COL5A1: variants seen among roughly 807,000 people sequenced by gnomAD.
COL5A1 encodes the protein collagen type V alpha 1 chain, also known as collagen alpha-1(V) chain.
A neutral mutation model predicts 263.7 loss-of-function variants in COL5A1; 16 were observed. The ratio of observed to expected loss-of-function variants is 0.06; its 90% confidence interval spans 0.04 to 0.09. The LOEUF (loss-of-function observed/expected upper bound fraction) is 0.09, where lower values mean the gene tolerates loss of function less well. Ranked by LOEUF, COL5A1 falls within the 10% of genes least tolerant of loss-of-function variation. The pLI is 1.00. For missense variants in COL5A1, 2,036 were observed against 2,540.5 expected (o/e 0.80, Z 4.27); for synonymous variants, 1,012 against 1,004.5 (o/e 1.01, Z -0.14).
chr9:134,827,669 C>A (rs1397651616), intron 63 of COL5A1, among the ~76,000 whole-genome samples: 1 of 152,206 alleles, frequency 6.6e-6, no homozygotes, highest in Non-Finnish European at 1.5e-5. Flanking sequence ...ACCCCAGGCT[C>A]CCCCAGTGTT....
At chr9:134,704,419 T>C (rs1057420519) in intron 4 of COL5A1, among the ~76,000 whole-genome samples, 4 of 152,206 alleles carry the variant, frequency 2.6e-5, no homozygotes, top group Non-Finnish European at 4.4e-5. Context: ...CGTGTGGTTT[T>C]CAAAAGGAAA....
intron 21 of COL5A1, 25 bp from the exon 22 acceptor site, chr9:134,766,429 T>G: frequency 6.2e-7 from 1 of 1,613,566 alleles, no homozygotes; most frequent in Non-Finnish European, 8.5e-7. Flanking sequence ...CAGTTACATG[T>G]TTTTCTTCTT....
chr9:134,831,614 G>A (rs1839631695), intron 64 of COL5A1, among the ~76,000 whole-genome samples: 1 of 152,222 alleles, frequency 6.6e-6, no homozygotes, highest in African/African-American at 2.4e-5. Context: ...CGAGGTGGCA[G>A]GGTCCATTCT....
chr9:134,814,382 A>G (rs940777516), intron 49 of COL5A1, among the ~76,000 whole-genome samples: 1 of 152,140 alleles, frequency 6.6e-6, no homozygotes, highest in Non-Finnish European at 1.5e-5. Context: ...GGCCAGATGA[A>G]TGTTCACTAT....
In COL5A1 at chr9:134,741,754, G is replaced by A. The variant is rs972407927; in HGVS notation, c.1494+2946G>A. On this transcript the variant is annotated intron_variant, in intron 11 of 65. Transcript: ENST00000371817. This position sits in a 1 kb window ranked among gnomAD's most constrained non-coding sequence, Gnocchi z 4.5. ...GGGAGTGGCGTGCTCTGTCCCCTCC[G>A]TCTGCTTGGCCTCCTGTGCCTCTGT... 1.4e-4 allele frequency among the ~76,000 whole-genome samples: 21 copies of A among 152,116 alleles called. No homozygotes were observed. The highest frequency in any genetic ancestry group is 4.3e-4 in the African/African-American group (18 of 41,414).
At chr9:134,831,612 C>T (rs1839631586) in intron 64 of COL5A1, among the ~76,000 whole-genome samples, 1 of 152,292 alleles carries the variant, frequency 6.6e-6, no homozygotes, top group South Asian at 2.1e-4. Flanking sequence ...GCCGAGGTGG[C>T]AGGGTCCATT....
At chr9:134,676,029 CTT>C (rs1334317648) in intron 1 of COL5A1, among the ~76,000 whole-genome samples, 1 of 152,070 alleles carries the variant, frequency 6.6e-6, no homozygotes, top group Non-Finnish European at 1.5e-5. Flanking sequence ...AACTTCCACA[CTT>C]TAAAAATTTT....
At chr9:134,739,351 C>T (rs1289881407) in intron 11 of COL5A1, among the ~76,000 whole-genome samples, 1 of 152,218 alleles carries the variant, frequency 6.6e-6, no homozygotes, top group African/African-American at 2.4e-5. Context: ...TCCTGGTGTC[C>T]GGCGGGGCGG....
chr9:134,654,475 T>C lies in COL5A1; in HGVS notation c.109+12179T>C, dbSNP rs527851460. On this transcript the variant is annotated intron_variant, in intron 1 of 65. Coordinates refer to ENST00000371817, the MANE Select transcript of COL5A1 (RefSeq NM_000093.5). ...TGGTGTGTGTAGGGCTGGAGGTGTG[T>C]AGGGCTGGAGTTGTGTAGAGCTGGT... 1.8e-3 allele frequency among the ~76,000 whole-genome samples: 200 copies of C among 109,188 alleles called. 2 individuals carry two copies. Among genetic ancestry groups the C allele is most frequent in the African/African-American group, 7.0e-3 (187 of 26,806 alleles). 71.6% of individuals were successfully genotyped at this position (109,188 alleles called of 152,430 possible). A position where few individuals can be genotyped will look rare whatever the true frequency, so the allele number is the denominator to read the frequency against.
At chr9:134,654,832 GGTGTGTGGGGCTCGT>G (rs1241367720) in intron 1 of COL5A1, among the ~76,000 whole-genome samples, 1 of 138,390 alleles carries the variant, frequency 7.2e-6, no homozygotes, top group African/African-American at 2.8e-5. Context: ...TAGTGCTGGT[GGTGTGTGGGGCTCGT>G]GTGTGTAGGG....
At chr9:134,798,766 C>A (rs1414224334) in intron 37 of COL5A1, among the ~76,000 whole-genome samples, 1 of 152,252 alleles carries the variant, frequency 6.6e-6, no homozygotes, top group African/African-American at 2.4e-5. Flanking sequence ...AAGACACACA[C>A]AGATTATCCT....
intron 14 of COL5A1, 115 bp downstream of exon 14, chr9:134,752,760 T>C (rs1588504766): frequency 1.2e-6 from 1 of 802,856 alleles, no homozygotes; most frequent in East Asian, 2.6e-5. Context: ...GAGCGGCCCT[T>C]GGTCCAGTGC....
intron 13 of COL5A1, 94 bp from the exon 14 acceptor site, chr9:134,752,495 C>A (rs1036045364): frequency 1.1e-6 from 1 of 936,766 alleles, no homozygotes; most frequent in African/African-American, 1.6e-5. Context: ...CCAGTCTGCC[C>A]GTTCCCTCCT....
At position 134,794,337 on chromosome 9, in the gene COL5A1, A is replaced by G. The variant is rs981516408; in HGVS notation, c.2701-745A>G. 2.0e-5 allele frequency among the ~76,000 whole-genome samples: 3 copies of G among 148,046 alleles called. No individual in the cohort carries two copies. Among genetic ancestry groups the G allele is most frequent in the South Asian group, 2.2e-4 (1 of 4,642 alleles). On this transcript the variant is annotated intron_variant, in intron 32 of 65. Coordinates refer to ENST00000371817, the MANE Select transcript of COL5A1 (RefSeq NM_000093.5). The surrounding 1 kb of genome is among the most constrained non-coding windows in gnomAD (Gnocchi z 4.3). ...AGACTCTGTCTAAAAAAAAAAAAAA[A>G]GAAACAAAAAAGAAACCAGTCAAGT...
At chr9:134,833,603 CA>C (rs1271641232) in intron 64 of COL5A1, among the ~76,000 whole-genome samples, 3 of 152,198 alleles carry the variant, frequency 2.0e-5, no homozygotes, top group African/African-American at 7.2e-5. Context: ...TGCCAGACAT[CA>C]TCCGGGACCC....
chr9:134,842,088 G>T lies in COL5A1; in HGVS notation c.5371-69G>T. On this transcript the variant is annotated intron_variant, in intron 65 of 65. Transcript: ENST00000371817. The surrounding 1 kb of genome is among the most constrained non-coding windows in gnomAD (Gnocchi z 5.8). ...GTTTTGGAGCCAGACAGATTGTGGG[G>T]GGTGATTGGTAAACCCCAAGACCCC... is the stretch of plus-strand genomic sequence containing the variant. 1 of 1,577,750 alleles carries T rather than the reference G, an allele frequency of 6.3e-7. No individual in the cohort carries two copies. Among genetic ancestry groups the T allele is most frequent in the Non-Finnish European group, 8.7e-7 (1 of 1,148,010 alleles).
intron 1 of COL5A1, chr9:134,653,215 T>C (rs1831756492): frequency 1.3e-5 from 2 of 153,882 alleles, no homozygotes; most frequent in Admixed American, 6.5e-5. Context: ...AAGACCCCAC[T>C]ATCCGGCAGG....
chr9:134,824,998 G>T (rs1012372495), intron 62 of COL5A1, 143 bp downstream of exon 62: 229 of 1,193,610 alleles, frequency 1.9e-4, no homozygotes, highest in Non-Finnish European at 2.2e-4. Context: ...TGGGGCCGGG[G>T]TGCGCAAGAG....
rs536892274 is a variant in COL5A1 at position 134,785,585 on chromosome 9, T to G, written c.2593-410T>G. On this transcript the variant is annotated intron_variant, in intron 30 of 65. Transcript: ENST00000371817. ...AGCCACACACCCTGGCTCCACCCTG[T>G]TTCCACCCTGGGCTCAGGCAGGAAT... Among the ~76,000 whole-genome samples, 19 of 152,296 alleles carry G rather than the reference T, an allele frequency of 1.2e-4. No homozygotes were observed. The East Asian group carries it at 3.3e-3, about 26-fold the overall frequency.
Sources: gnomAD v4.1 joint callset for allele counts (sites outside exome capture counted in the v4.1 genomes callset) on GRCh38, gnomAD v4.1.1 for gene constraint, Gnocchi (gnomAD v3.1) non-coding constraint, MANE v1.5 for transcripts, NCBI Gene and HGNC (gene_info 2026-07-23, HGNC 2026-07-21) for gene names.